AKAP6: variants seen among roughly 807,000 people sequenced by gnomAD.
AKAP6 encodes A-kinase anchor protein 6.
Under a neutral mutation model 188.5 loss-of-function variants are expected in AKAP6, and 58 were observed. That is an observed-to-expected ratio of 0.31 (90% CI 0.25 to 0.38). The LOEUF (loss-of-function observed/expected upper bound fraction) is 0.38, where lower values mean the gene tolerates loss of function less well. Among genes scored for constraint, AKAP6 ranks in the 10% least tolerant of loss-of-function variants. The pLI, the probability that AKAP6 is intolerant of heterozygous loss-of-function variation, is 1.00. For synonymous variants in AKAP6, 989 were observed against 998.6 expected, an observed-to-expected ratio of 0.99 and a Z score of 0.18; for missense variants, 2,710 against 2,740.0, an observed-to-expected ratio of 0.99 and a Z score of 0.24.
intron 12 of AKAP6, among the ~76,000 whole-genome samples, chr14:32,816,404 C>T (rs137917786): frequency 0.011 from 1,691 of 152,216 alleles, 28 homozygotes; most frequent in African/African-American, 0.039. Context: ...CTATGTTTCC[C>T]AGGCTGGTCT....
At chr14:32,589,757 T>A (rs916496431) in intron 5 of AKAP6, among the ~76,000 whole-genome samples, 1 of 152,206 alleles carries the variant, frequency 6.6e-6, no homozygotes, top group Non-Finnish European at 1.5e-5. Flanking sequence ...TGTTTTTAAT[T>A]AGAATGCCGG....
intron 1 of AKAP6, among the ~76,000 whole-genome samples, chr14:32,339,430 G>C (rs1254186718): frequency 2.6e-5 from 4 of 152,124 alleles, no homozygotes; most frequent in Admixed American, 1.3e-4. Context: ...TCTTCTATTG[G>C]AAGCAGGGAT....
chr14:32,526,608 G>A (rs1882142788), intron 2 of AKAP6, among the ~76,000 whole-genome samples: 1 of 152,188 alleles, frequency 6.6e-6, no homozygotes, highest in Non-Finnish European at 1.5e-5. Flanking sequence ...TCAAACTCCT[G>A]GGCTCAAGGG....
chr14:32,369,019 T>C (rs1887926867), intron 1 of AKAP6, among the ~76,000 whole-genome samples: 1 of 152,218 alleles, frequency 6.6e-6, no homozygotes, highest in Admixed American at 6.5e-5. Flanking sequence ...ATGGAGGCAC[T>C]TTTGAGAATG....
At chr14:32,642,566 C>T (rs559157609) in intron 7 of AKAP6, among the ~76,000 whole-genome samples, 7 of 152,270 alleles carry the variant, frequency 4.6e-5, no homozygotes, top group Admixed American at 4.6e-4. Context: ...TTAGGCATCT[C>T]ATTTTTAAAT....
chr14:32,761,101 T>G (rs1392999722), intron 11 of AKAP6, among the ~76,000 whole-genome samples: 1 of 152,018 alleles, frequency 6.6e-6, no homozygotes, highest in African/African-American at 2.4e-5. Flanking sequence ...TTAGACGCTA[T>G]GAAAATAAAA....
chr14:32,372,658 G>T (rs1255770688), intron 1 of AKAP6, among the ~76,000 whole-genome samples: 1 of 151,388 alleles, frequency 6.6e-6, no homozygotes, highest in Non-Finnish European at 1.5e-5. Context: ...TAATTGGCAA[G>T]AATTTTTCTG....
chr14:32,396,914 A>G (rs1888896622), intron 1 of AKAP6, among the ~76,000 whole-genome samples: 2 of 152,178 alleles, frequency 1.3e-5, no homozygotes, highest in Admixed American at 1.3e-4. Context: ...CTTGCAGCCT[A>G]AAGTGTTCTA....
intron 11 of AKAP6, among the ~76,000 whole-genome samples, chr14:32,768,980 CA>C (rs2032802863): frequency 7.0e-6 from 1 of 143,656 alleles, no homozygotes; most frequent in African/African-American, 2.6e-5. Flanking sequence ...GAGGAGACAG[CA>C]AAACACATGG....
chr14:32,582,293 T>C (rs1885012201), intron 5 of AKAP6, among the ~76,000 whole-genome samples: 1 of 152,180 alleles, frequency 6.6e-6, no homozygotes, highest in Non-Finnish European at 1.5e-5. Context: ...AGTTGAAAAC[T>C]CTTTTCTTTA....
chr14:32,504,892 T>C (rs1880791888), intron 2 of AKAP6, among the ~76,000 whole-genome samples: 1 of 152,078 alleles, frequency 6.6e-6, no homozygotes, highest in African/African-American at 2.4e-5. Flanking sequence ...ACTAAAGGAG[T>C]GGCTCCATCT....
At chr14:32,348,559 C>T (rs1053420096) in intron 1 of AKAP6, among the ~76,000 whole-genome samples, 1 of 151,800 alleles carries the variant, frequency 6.6e-6, no homozygotes, top group Non-Finnish European at 1.5e-5. Flanking sequence ...GGATTACAGG[C>T]GTGCTCCACC....
In AKAP6 at chr14:32,836,567, C is replaced by T. The variant is rs1258024780; in HGVS notation, c.*6762C>T. The T allele has an allele frequency of 1.3e-5, 2 of 152,112 alleles. No homozygotes were observed. The highest frequency in any genetic ancestry group is 2.9e-5 in the Non-Finnish European group (2 of 68,028). 9.4% of individuals were successfully genotyped at this position (152,112 alleles called of 1,614,324 possible). ...TCCAGTGAATACTCTGCCCCATTCT[C>T]TCCTACTCAAGCAGAGTATCTTAAG... On this transcript the variant is annotated 3_prime_UTR_variant, in exon 14 of 14. Coordinates refer to ENST00000280979, the MANE Select transcript of AKAP6 (RefSeq NM_004274.5).
intron 7 of AKAP6, among the ~76,000 whole-genome samples, chr14:32,629,819 A>G (rs1397689448): frequency 6.6e-6 from 1 of 151,082 alleles, no homozygotes; most frequent in Non-Finnish European, 1.5e-5. Context: ...TCATGCCTGT[A>G]ATCTGAACAC....
chr14:32,463,850 G>A lies in AKAP6; in HGVS notation c.324+30033G>A, dbSNP rs1878227939. ...AACAAAATACATAGACTGCTAGCAAGACTAATAAAGAAGGAAACAGAGAAG... is the reference window on the plus strand; with the variant it reads ...AACAAAATACATAGACTGCTAGCAAAACTAATAAAGAAGGAAACAGAGAAG... On this transcript the variant is annotated intron_variant, in intron 2 of 13. Transcript: ENST00000280979. Among the ~76,000 whole-genome samples the A allele has an allele frequency of 2.6e-5, 4 of 152,128 alleles. No individual in the cohort carries two copies. In the South Asian group the frequency reaches 8.3e-4, roughly 32 times the overall value.
At chr14:32,355,521 C>A (rs1185016850) in intron 1 of AKAP6, among the ~76,000 whole-genome samples, 1 of 152,060 alleles carries the variant, frequency 6.6e-6, no homozygotes, top group Non-Finnish European at 1.5e-5. Context: ...GAATGAAATG[C>A]ATAGAATTAC....
At chr14:32,594,116 G>A (rs1219470564) in intron 5 of AKAP6, among the ~76,000 whole-genome samples, 7 of 152,042 alleles carry the variant, frequency 4.6e-5, no homozygotes, top group African/African-American at 7.3e-5. Flanking sequence ...CCAATTCTCC[G>A]TGTTTTAATG....
At chr14:32,332,923 A>T (rs577699959) in intron 1 of AKAP6, among the ~76,000 whole-genome samples, 1 of 152,294 alleles carries the variant, frequency 6.6e-6, no homozygotes. Context: ...TTTCTGTATC[A>T]TCTTGCTCAT....
At chr14:32,810,252 TC>T (rs2034191159) in intron 12 of AKAP6, among the ~76,000 whole-genome samples, 1 of 104,572 alleles carries the variant, frequency 9.6e-6, no homozygotes, top group African/African-American at 3.6e-5. Context: ...CCCCTAATGC[TC>T]GTTTTTTTTT....
Sources: allele counts gnomAD v4.1 joint callset (sites outside exome capture counted in the v4.1 genomes callset), GRCh38; gene constraint gnomAD v4.1.1; transcripts MANE v1.5; gene names NCBI Gene and HGNC (gene_info 2026-07-23, HGNC 2026-07-21).